Variants in ADAM12 observed in about 807,000 individuals in gnomAD.
ADAM12 encodes disintegrin and metalloproteinase domain-containing protein 12.
A neutral mutation model predicts 106.4 loss-of-function variants in ADAM12; 70 were observed. The ratio of observed to expected loss-of-function variants is 0.66; its 90% CI spans 0.54 to 0.80. The LOEUF (loss-of-function observed/expected upper bound fraction) is 0.80. ADAM12 is among the 30% of genes least tolerant of loss of function. The pLI, the probability that ADAM12 is intolerant of heterozygous loss-of-function variation, is 0.00. For missense variants in ADAM12, 1,010 were observed against 1,171.9 expected (o/e 0.86, Z 2.02); for synonymous variants, 420 against 433.5 (o/e 0.97, Z 0.39).
rs1856301529 is a variant in ADAM12, at chr10:126,376,588, TGAAGA to T, written c.88+11465_88+11469del. Among the ~76,000 whole-genome samples, 4 of 152,150 alleles carry T rather than the reference TGAAGA, an allele frequency of 2.6e-5. No homozygotes were observed. In the South Asian group the frequency reaches 8.3e-4, roughly 31 times the overall value. On this transcript the variant is annotated intron_variant, in intron 1 of 22. Coordinates refer to ENST00000448723, the MANE Select transcript of ADAM12 (RefSeq NM_001288973.2). ...ATCTTACAAAGATGCACAAGAACAT[TGAAGA>T]GAATATTATTGAAAACTTATTGAAT...
At chr10:126,243,039 C>T (rs954836758) in intron 3 of ADAM12, among the ~76,000 whole-genome samples, 2 of 152,260 alleles carry the variant, frequency 1.3e-5, no homozygotes, top group Non-Finnish European at 2.9e-5. Flanking sequence ...GCAATGACTT[C>T]ATCCTTTTTC....
chr10:126,101,326 T>C, intron 8 of ADAM12, 85 bp from the exon 9 acceptor site: 1 of 1,392,790 alleles, frequency 7.2e-7, no homozygotes, highest in Non-Finnish European at 1.0e-6. Context: ...ATTTGCGTTA[T>C]TTGAGGGTCA....
At chr10:126,253,731 C>T (rs573773879) in intron 3 of ADAM12, among the ~76,000 whole-genome samples, 1 of 152,314 alleles carries the variant, frequency 6.6e-6, no homozygotes, top group African/African-American at 2.4e-5. Flanking sequence ...CTCATACTGT[C>T]CCACTCTTCC....
intron 2 of ADAM12, among the ~76,000 whole-genome samples, chr10:126,328,220 C>T (rs1277667736): frequency 6.6e-6 from 1 of 152,252 alleles, no homozygotes; most frequent in Non-Finnish European, 1.5e-5. Flanking sequence ...TCTGCATTGG[C>T]TGTATGCCTA....
intron 22 of ADAM12, among the ~76,000 whole-genome samples, chr10:126,017,975 A>G (rs1412091909): frequency 6.6e-6 from 1 of 152,256 alleles, no homozygotes; most frequent in African/African-American, 2.4e-5. Flanking sequence ...GAACAAGAAA[A>G]ATAACTTCAA....
intron 3 of ADAM12, among the ~76,000 whole-genome samples, chr10:126,243,675 C>T (rs1200268731): frequency 6.6e-6 from 1 of 152,170 alleles, no homozygotes; most frequent in African/African-American, 2.4e-5. Flanking sequence ...CAGATAGCTG[C>T]TTTCTGAGTA....
intron 2 of ADAM12, among the ~76,000 whole-genome samples, chr10:126,298,774 G>A (rs760724529): frequency 3.3e-5 from 5 of 151,700 alleles, no homozygotes; most frequent in East Asian, 3.9e-4. Context: ...AGAAAGATGC[G>A]GTATATTAAA....
At chr10:126,321,361 A>T (rs963118246) in intron 2 of ADAM12, among the ~76,000 whole-genome samples, 85 of 152,266 alleles carry the variant, frequency 5.6e-4, no homozygotes, top group African/African-American at 2.0e-3. Flanking sequence ...GGGAAGGAAA[A>T]GGTACAGAAT....
Position 126,278,936 on chromosome 10 carries a change from A to C in ADAM12, c.239T>G (p.Ile80Ser), listed in dbSNP as rs1959414159. 6.2e-7 allele frequency: 1 copy of C among 1,612,138 alleles called. No individual in the cohort carries two copies. The highest frequency in any genetic ancestry group is 1.3e-5 in the African/African-American group (1 of 74,886). ...TTACTCATTTCTTTCCAGATTTATG[A>C]TCAGTTCTTTGCTTTCCCGTTGTAG... ...IRLQRESKEL[I>S]INLERNEGLI... is the part of the protein sequence containing the mutation. Residue 80 changes from isoleucine to serine, a missense_variant, in exon 3 of 23, where the codon ATC becomes AGC. Around this residue, in one of 3 missense-constraint regions of ADAM12, gnomAD observed 391 missense variants for 442.9 expected, o/e 0.88. Coordinates refer to ENST00000448723, the MANE Select transcript of ADAM12 (RefSeq NM_001288973.2).
Position 126,024,173 on chromosome 10 carries a change from G to A in ADAM12, c.2530-4348C>T, listed in dbSNP as rs528773842. On this transcript the variant is annotated intron_variant, in intron 21 of 22. Transcript: ENST00000448723. ...ACCACTTACGTAAAGTTTAAAACAC[G>A]AAACACTATATTAATGGATACATAT... 5.5e-4 allele frequency among the ~76,000 whole-genome samples: 84 copies of A among 152,248 alleles called. 2 individuals carry two copies. Among genetic ancestry groups the A allele is most frequent in the Middle Eastern group, 6.8e-3 (2 of 294 alleles).
At chr10:126,253,090 C>T (rs950713293) in intron 3 of ADAM12, among the ~76,000 whole-genome samples, 4 of 152,198 alleles carry the variant, frequency 2.6e-5, no homozygotes, top group Non-Finnish European at 5.9e-5. Context: ...ATTCCTGATG[C>T]CATTCCAGAA....
chr10:126,199,403 G>A (rs528984188), intron 3 of ADAM12, among the ~76,000 whole-genome samples: 5 of 152,054 alleles, frequency 3.3e-5, no homozygotes, highest in Non-Finnish European at 7.4e-5. Context: ...GTCATTTTAG[G>A]CATAACGGCC....
At chr10:126,305,111 G>A (rs372908334) in intron 2 of ADAM12, among the ~76,000 whole-genome samples, 30 of 152,116 alleles carry the variant, frequency 2.0e-4, no homozygotes, top group East Asian at 1.3e-3. Flanking sequence ...TTCCATTCCT[G>A]GGTATATTCC....
chr10:126,248,162 C>A (rs899555852), intron 3 of ADAM12, among the ~76,000 whole-genome samples: 1 of 152,154 alleles, frequency 6.6e-6, no homozygotes, highest in Non-Finnish European at 1.5e-5. Flanking sequence ...AGTCATACCC[C>A]CTATGCATCA....
chr10:126,088,991 C>A (rs1180885464), intron 11 of ADAM12, among the ~76,000 whole-genome samples: 1 of 152,070 alleles, frequency 6.6e-6, no homozygotes, highest in Non-Finnish European at 1.5e-5. Flanking sequence ...CAGGGGGTAA[C>A]CCTCATTTGC....
intron 1 of ADAM12, among the ~76,000 whole-genome samples, chr10:126,330,771 T>C (rs951714607): frequency 4.6e-5 from 7 of 152,204 alleles, no homozygotes; most frequent in Non-Finnish European, 7.3e-5. Context: ...GGTATTATCA[T>C]AGACAAGATA....
intron 1 of ADAM12, 143 bp from the exon 2 acceptor site, chr10:126,330,652 A>G (rs1854480154): frequency 1.5e-6 from 1 of 666,178 alleles, no homozygotes. Context: ...AAGTCATGAA[A>G]AGTGTTAAAA....
At chr10:126,169,800 G>A (rs1957087238) in intron 3 of ADAM12, among the ~76,000 whole-genome samples, 1 of 152,132 alleles carries the variant, frequency 6.6e-6, no homozygotes, top group Non-Finnish European at 1.5e-5. Context: ...CGACTTATTT[G>A]GAACCATTGA....
chr10:126,293,491 A>T lies in ADAM12; in HGVS notation c.187-14503T>A, dbSNP rs189138369. Among the ~76,000 whole-genome samples the T allele has an allele frequency of 2.0e-4, 30 of 152,266 alleles. No individual in the cohort carries two copies. In the East Asian group the frequency reaches 4.5e-3, roughly 23 times the overall value. On this transcript the variant is annotated intron_variant, in intron 2 of 22. Transcript: ENST00000448723. ...GATGATGATGTGGGATACACATGAA[A>T]CAAGTGAATGAGCACCCCATTTATT...
Sources: allele counts gnomAD v4.1 joint callset (sites outside exome capture counted in the v4.1 genomes callset), GRCh38; gene constraint gnomAD v4.1.1; regional missense constraint gnomAD v4.1.1; transcripts MANE v1.5; gene names NCBI Gene and HGNC (gene_info 2026-07-23, HGNC 2026-07-21).